Variants in VPS36 observed in about 807,000 individuals in gnomAD.
VPS36 encodes the protein vacuolar protein-sorting-associated protein 36.
Under a neutral mutation model 63.5 loss-of-function variants are expected in VPS36, and 31 were observed. The observed-to-expected ratio is 0.49, with a 90% CI of 0.37 to 0.66. The LOEUF is 0.66. VPS36 is among the 30% of genes least tolerant of loss of function. VPS36 has a pLI of 0.00. For missense variants in VPS36, 338 were observed against 463.7 expected, an observed-to-expected ratio of 0.73 and a Z score of 2.49; for synonymous variants, 138 against 157.2, an observed-to-expected ratio of 0.88 and a Z score of 0.91.
intron 5 of VPS36, 103 bp downstream of exon 5, chr13:52,434,690 G>A: frequency 9.4e-7 from 1 of 1,068,686 alleles, no homozygotes; most frequent in South Asian, 1.4e-5. Context: ...TACCATTGCA[G>A]TATTTTGTTT....
chr13:52,416,949 A>T (rs1957999877), intron 12 of VPS36, 108 bp downstream of exon 12: 5 of 897,538 alleles, frequency 5.6e-6, no homozygotes, highest in Non-Finnish European at 8.5e-6. Flanking sequence ...TGTGAATGTT[A>T]CTTTTTCAGT....
At chr13:52,450,133 G>A (rs1958386232) in intron 1 of VPS36, 4 of 997,318 alleles carry the variant, frequency 4.0e-6, no homozygotes, top group Non-Finnish European at 4.8e-6. Flanking sequence ...ACCACGCCAA[G>A]GAAGTCGACT....
intron 1 of VPS36, among the ~76,000 whole-genome samples, chr13:52,445,322 A>C (rs965764875): frequency 2.0e-5 from 3 of 152,226 alleles, no homozygotes; most frequent in Non-Finnish European, 2.9e-5. Flanking sequence ...CTTCTCCAAA[A>C]GCAAATATTT....
intron 1 of VPS36, among the ~76,000 whole-genome samples, chr13:52,448,875 A>C (rs925015777): frequency 1.3e-5 from 2 of 152,218 alleles, no homozygotes; most frequent in African/African-American, 4.8e-5. Flanking sequence ...AACACTGTCA[A>C]CATTCGGTTC....
At position 52,434,805 on chromosome 13, in the gene VPS36, ATTTG is replaced by A. The variant is rs1200956979; in HGVS notation, c.425_428del (p.Thr142IlefsTer9). The A allele has an allele frequency of 1.9e-6, 3 of 1,613,402 alleles. No homozygotes were observed. Among genetic ancestry groups the A allele is most frequent in the Non-Finnish European group, 2.5e-6 (3 of 1,179,782 alleles). The stretch of plus-strand genomic sequence containing the variant: ...GTTTTAAAAATACCTGGGGTCCTCT[ATTTG>A]TTTGTAATGACTGGGAAACTGGCAT... On this transcript the variant is annotated frameshift_variant, in exon 5 of 14. Coordinates refer to ENST00000378060, the MANE Select transcript of VPS36 (RefSeq NM_016075.4). LOFTEE classifies it high-confidence loss of function.
At position 52,446,314 on chromosome 13, in the gene VPS36, C is replaced by T. The variant is rs535396567; in HGVS notation, c.97-3869G>A. Reference sequence around the variant, plus strand: ...ATGCTGCATTATAGAACATATAGTTCTGATTAAGAAACTTCGTATGTTATC... The same window carrying T: ...ATGCTGCATTATAGAACATATAGTTTTGATTAAGAAACTTCGTATGTTATC... On this transcript the variant is annotated intron_variant, in intron 1 of 13. Coordinates refer to ENST00000378060, the MANE Select transcript of VPS36 (RefSeq NM_016075.4). Among the ~76,000 whole-genome samples, 418 of 151,328 alleles carry T rather than the reference C, an allele frequency of 2.8e-3. 3 individuals carry two copies. The highest frequency in any genetic ancestry group is 4.5e-3 in the Non-Finnish European group (307 of 67,858).
At chr13:52,434,687 G>T in intron 5 of VPS36, 106 bp downstream of exon 5, 2 of 1,026,154 alleles carry the variant, frequency 1.9e-6, no homozygotes, top group Non-Finnish European at 1.5e-6. Flanking sequence ...GAATACCATT[G>T]CAGTATTTTG....
intron 1 of VPS36, among the ~76,000 whole-genome samples, chr13:52,448,676 A>G (rs1177773514): frequency 6.6e-6 from 1 of 152,268 alleles, no homozygotes; most frequent in Non-Finnish European, 1.5e-5. Flanking sequence ...TATCTTTCAT[A>G]TAAAACTACT....
intron 1 of VPS36, among the ~76,000 whole-genome samples, chr13:52,447,069 G>A (rs922887074): frequency 5.9e-5 from 9 of 151,466 alleles, no homozygotes; most frequent in African/African-American, 2.2e-4. Context: ...TAGAGACGGG[G>A]TTTTACCATG....
At chr13:52,446,661 T>C (rs1206961119) in intron 1 of VPS36, among the ~76,000 whole-genome samples, 2 of 152,036 alleles carry the variant, frequency 1.3e-5, no homozygotes, top group Non-Finnish European at 2.9e-5. Context: ...ACATGTTCAG[T>C]GTTGAAAATC....
chr13:52,426,371 A>G (rs923740252), intron 8 of VPS36, among the ~76,000 whole-genome samples: 4 of 152,226 alleles, frequency 2.6e-5, no homozygotes, highest in African/African-American at 4.8e-5. Context: ...TGAAAAGAAA[A>G]TGGCTGTGAT....
chr13:52,417,916 C>T, intron 11 of VPS36, 76 bp downstream of exon 11: 1 of 1,301,584 alleles, frequency 7.7e-7, no homozygotes, highest in South Asian at 1.4e-5. Context: ...GGATGGCAAA[C>T]TTGGCTGGGC....
chr13:52,422,779 T>G (rs969141715), intron 10 of VPS36, among the ~76,000 whole-genome samples: 3 of 152,240 alleles, frequency 2.0e-5, no homozygotes, highest in African/African-American at 7.2e-5. Context: ...ATTTTTAATG[T>G]TATTACCAGA....
chr13:52,416,937 T>G, intron 12 of VPS36, 120 bp downstream of exon 12: 1 of 758,588 alleles, frequency 1.3e-6, no homozygotes, highest in South Asian at 2.0e-5. Context: ...TTTATTTGGG[T>G]GTGTGAATGT....
chr13:52,438,960 A>G (rs938437904), intron 3 of VPS36, 138 bp downstream of exon 3: 48 of 630,344 alleles, frequency 7.6e-5, no homozygotes, highest in Non-Finnish European at 1.2e-4. Flanking sequence ...ATAATAAACA[A>G]GGATATTACA....
chr13:52,446,718 A>G (rs1280499088), intron 1 of VPS36, among the ~76,000 whole-genome samples: 6 of 152,154 alleles, frequency 3.9e-5, no homozygotes, highest in Admixed American at 3.9e-4. Flanking sequence ...AATAACTCAT[A>G]CCAGCCAGAG....
chr13:52,427,828 T>G (rs1227467447), intron 6 of VPS36, among the ~76,000 whole-genome samples: 1 of 152,172 alleles, frequency 6.6e-6, no homozygotes, highest in Non-Finnish European at 1.5e-5. Context: ...TATTATTTAC[T>G]GTTATTTGAG....
rs191276944 is a variant in VPS36 at position 52,446,181 on chromosome 13, G to A, written c.97-3736C>T. On this transcript the variant is annotated intron_variant, in intron 1 of 13. Coordinates refer to ENST00000378060, the MANE Select transcript of VPS36 (RefSeq NM_016075.4). Reference sequence around the variant, plus strand: ...CTGGGGAGGCTGAGGTAGGAGAAACGCTTGAACCCGGGAAGCAGAGGTTGC... The same window carrying A: ...CTGGGGAGGCTGAGGTAGGAGAAACACTTGAACCCGGGAAGCAGAGGTTGC... 7.1e-3 allele frequency among the ~76,000 whole-genome samples: 1,080 copies of A among 151,058 alleles called. 15 individuals are homozygous for A. Among genetic ancestry groups the A allele is most frequent in the African/African-American group, 0.025 (1,044 of 41,132 alleles).
chr13:52,447,838 A>C (rs928697981), intron 1 of VPS36, among the ~76,000 whole-genome samples: 1 of 150,348 alleles, frequency 6.7e-6, no homozygotes, highest in African/African-American at 2.4e-5. Context: ...GCTGGAGTGC[A>C]GTGGCACAAT....
Sources: allele counts gnomAD v4.1 joint callset (sites outside exome capture counted in the v4.1 genomes callset), GRCh38; gene constraint gnomAD v4.1.1; transcripts MANE v1.5; gene names NCBI Gene and HGNC (gene_info 2026-07-23, HGNC 2026-07-21).